Variants in SNRPN observed in about 807,000 individuals in gnomAD.
SNRPN encodes small nuclear ribonucleoprotein polypeptide N, also known as small nuclear ribonucleoprotein-associated protein N.
In SNRPN, 7 loss-of-function variants were observed where a neutral mutation model predicts 25.2. That is an observed-to-expected ratio of 0.28 (90% CI 0.16 to 0.52). The LOEUF (loss-of-function observed/expected upper bound fraction) is 0.52, where lower values mean the gene tolerates loss of function less well. SNRPN is among the 20% of genes least tolerant of loss of function. The probability of loss-of-function intolerance (pLI) is 0.96; values close to 1 mark genes in which losing one functional copy is unlikely to be tolerated. For synonymous variants in SNRPN, 124 were observed against 110.6 expected (o/e 1.12, Z -0.76); for missense variants, 196 against 322.5 (o/e 0.61, Z 3.00).
intron 1 of SNRPN, among the ~76,000 whole-genome samples, chr15:24,882,089 C>T (rs970952109): frequency 6.6e-6 from 1 of 152,172 alleles, no homozygotes; most frequent in Non-Finnish European, 1.5e-5. Context: ...TGTATCATTT[C>T]TCCAAGCTGT....
In SNRPN at chr15:24,882,145, C is replaced by T. The variant is rs570279109; in HGVS notation, c.-578-4371C>T. ...TTGAATTTTTATGTTCTTCTGTGTG[C>T]GAATGATTAAATATTAAATACAAAA... is the stretch of plus-strand genomic sequence containing the variant. On this transcript the variant is annotated intron_variant, in intron 1 of 11. Coordinates refer to the SNRPN transcript ENST00000400097. Among the ~76,000 whole-genome samples, 126 of 152,094 alleles carry T rather than the reference C, an allele frequency of 8.3e-4. 1 individual carries two copies. The highest frequency in any genetic ancestry group is 1.4e-3 in the Non-Finnish European group (97 of 67,996).
intron 3 of SNRPN, among the ~76,000 whole-genome samples, chr15:24,923,723 A>G (rs2060173776): frequency 6.6e-6 from 1 of 152,106 alleles, no homozygotes; most frequent in Admixed American, 6.6e-5. Context: ...TACTTGTCTG[A>G]GCCCATCTCT....
chr15:24,872,917 C>T (rs1235909246), intron 1 of SNRPN, among the ~76,000 whole-genome samples: 1 of 119,052 alleles, frequency 8.4e-6, no homozygotes, highest in Non-Finnish European at 1.8e-5. Flanking sequence ...CATTGAATTG[C>T]CTTGGCAACT....
At chr15:24,885,716 CTGTG>C (rs58691279) in intron 1 of SNRPN, among the ~76,000 whole-genome samples, 5,071 of 141,674 alleles carry the variant, frequency 0.036, 179 homozygotes, top group African/African-American at 0.11. Flanking sequence ...GAATCTGGGG[CTGTG>C]TGTGTGTGTG....
intron 3 of SNRPN, among the ~76,000 whole-genome samples, chr15:24,940,439 C>G (rs1159823257): frequency 6.6e-6 from 1 of 152,150 alleles, no homozygotes; most frequent in East Asian, 1.9e-4. Context: ...CCAGTTTTCC[C>G]AGTACCACGT....
chr15:24,915,628 G>C (rs1405242824), intron 2 of SNRPN, among the ~76,000 whole-genome samples: 1 of 152,086 alleles, frequency 6.6e-6, no homozygotes, highest in African/African-American at 2.4e-5. Context: ...TGTTTTCCCA[G>C]TGTTGATGTT....
chr15:24,834,751 C>CTCTCTCTCTATATATATATATATATATA, intron 2 of SNRPN, among the ~76,000 whole-genome samples: 1 of 60,952 alleles, frequency 1.6e-5, no homozygotes, highest in Non-Finnish European at 3.3e-5. Flanking sequence ...CTCTCTCTCT[C>CTCTCTCTCTATATATATATATATATATA]TATATATATA....
chr15:24,856,828 C>A (rs369042464), intron 1 of SNRPN: 1 of 152,140 alleles, frequency 6.6e-6, no homozygotes, highest in African/African-American at 2.4e-5. Flanking sequence ...AAACCAACTT[C>A]GCATGTTCGC....
At chr15:24,890,161 G>A (rs1470474733) in intron 2 of SNRPN, among the ~76,000 whole-genome samples, 15 of 151,546 alleles carry the variant, frequency 9.9e-5, no homozygotes, top group Admixed American at 9.9e-4. Context: ...TCTCTGATTT[G>A]CTCCCACTTT....
At chr15:24,940,962 G>A (rs558959280) in intron 3 of SNRPN, among the ~76,000 whole-genome samples, 90 of 152,220 alleles carry the variant, frequency 5.9e-4, no homozygotes, top group Non-Finnish European at 9.1e-4. Flanking sequence ...TTCCTCAAGA[G>A]ATCTTAATCT....
chr15:24,906,432 T>C (rs1054052655), intron 2 of SNRPN, among the ~76,000 whole-genome samples: 2 of 152,132 alleles, frequency 1.3e-5, no homozygotes, highest in Non-Finnish European at 2.9e-5. Context: ...CGTACATGGC[T>C]GGAAAAATCT....
chr15:24,902,687 C>T (rs761253020), intron 2 of SNRPN, among the ~76,000 whole-genome samples: 4 of 152,148 alleles, frequency 2.6e-5, no homozygotes, highest in Admixed American at 6.5e-5. Context: ...CACAGACCTT[C>T]GCAGTCAGTG....
intron 3 of SNRPN, among the ~76,000 whole-genome samples, chr15:24,939,743 TA>T (rs1462182215): frequency 5.9e-5 from 6 of 100,908 alleles, no homozygotes; most frequent in African/African-American, 2.5e-4. Flanking sequence ...TGGCCCATTT[TA>T]AAATCAGGTT....
Position 24,928,267 on chromosome 15 carries a change from G to A in SNRPN, c.-391+8143G>A, listed in dbSNP as rs537181959. Among the ~76,000 whole-genome samples, 3 of 152,200 alleles carry A rather than the reference G, an allele frequency of 2.0e-5. No individual in the cohort carries two copies. The South Asian group carries it at 6.2e-4, about 32-fold the overall frequency. ...GTTAAATCAGTGTATTGAAGAGAGAGCTGCACTCTTGTGTTCATTGCAGCA... is the reference window on the plus strand; with the variant it reads ...GTTAAATCAGTGTATTGAAGAGAGAACTGCACTCTTGTGTTCATTGCAGCA... On this transcript the variant is annotated intron_variant, in intron 3 of 11. Coordinates refer to the SNRPN transcript ENST00000400097.
At chr15:24,925,716 CCATAGGTG>C (rs1438986538) in intron 3 of SNRPN, among the ~76,000 whole-genome samples, 14 of 151,094 alleles carry the variant, frequency 9.3e-5, no homozygotes, top group Middle Eastern at 6.9e-3. Flanking sequence ...GTGGCTGGGA[CCATAGGTG>C]CATACCACCA....
intron 3 of SNRPN, among the ~76,000 whole-genome samples, chr15:24,969,452 GAC>G (rs1344735409): frequency 6.6e-6 from 1 of 152,078 alleles, no homozygotes; most frequent in African/African-American, 2.4e-5. Flanking sequence ...AATCAAAGGA[GAC>G]AGAAATTTTC....
chr15:24,969,310 G>T (rs1443243956), intron 3 of SNRPN, among the ~76,000 whole-genome samples: 1 of 151,988 alleles, frequency 6.6e-6, no homozygotes, highest in African/African-American at 2.4e-5. Context: ...TGTATTTTTG[G>T]TAGAGACGGG....
At chr15:24,949,509 G>A (rs1469554074) in intron 3 of SNRPN, among the ~76,000 whole-genome samples, 1 of 151,968 alleles carries the variant, frequency 6.6e-6, no homozygotes, top group African/African-American at 2.4e-5. Context: ...AAATTACCTG[G>A]GCATGGTGGT....
intron 2 of SNRPN, among the ~76,000 whole-genome samples, chr15:24,904,850 G>A (rs2058692394): frequency 6.6e-6 from 1 of 150,906 alleles, no homozygotes; most frequent in South Asian, 2.1e-4. Flanking sequence ...GGCTGAGGCA[G>A]GAGAAAGGCG....
Sources: gnomAD v4.1 joint callset for allele counts (sites outside exome capture counted in the v4.1 genomes callset) on GRCh38, gnomAD v4.1.1 for gene constraint, MANE v1.5 for transcripts, NCBI Gene and HGNC (gene_info 2026-07-23, HGNC 2026-07-21) for gene names.